Variants in RASSF3 observed in about 807,000 individuals in gnomAD.
RASSF3 encodes the protein ras association domain-containing protein 3.
Under a neutral mutation model 19.9 loss-of-function variants are expected in RASSF3, and 19 were observed. The observed-to-expected ratio is 0.96, with a 90% CI of 0.67 to 1.40. RASSF3 has a LOEUF of 1.40. Ranked by LOEUF, RASSF3 falls within the 40% of genes most tolerant of loss-of-function variation. The pLI is 0.00. For synonymous variants in RASSF3, 110 were observed against 104.2 expected, an observed-to-expected ratio of 1.06 and a Z score of -0.34; for missense variants, 306 against 289.8, an observed-to-expected ratio of 1.06 and a Z score of -0.41.
chr12:64,599,846 C>T (rs1038250479), intron 2 of RASSF3, among the ~76,000 whole-genome samples: 1 of 151,870 alleles, frequency 6.6e-6, no homozygotes, highest in Non-Finnish European at 1.5e-5. Context: ...TCCTGGCTAA[C>T]ACGGTGAAAC....
intron 1 of RASSF3, among the ~76,000 whole-genome samples, chr12:64,669,217 A>T (rs1180571511): frequency 6.6e-6 from 1 of 152,204 alleles, no homozygotes; most frequent in Non-Finnish European, 1.5e-5. Flanking sequence ...TGTTAGGCAC[A>T]TTAGAGGACT....
chr12:64,679,246 A>C (rs1450490605), intron 1 of RASSF3, among the ~76,000 whole-genome samples: 2 of 152,134 alleles, frequency 1.3e-5, no homozygotes, highest in African/African-American at 4.8e-5. Context: ...TTTTTTGTAG[A>C]GATGGGGTTT....
Position 64,599,777 on chromosome 12 carries a change from A to G in RASSF3, c.294+58072A>G, listed in dbSNP as rs150732564. Among the ~76,000 whole-genome samples the G allele has an allele frequency of 6.4e-3, 968 of 152,310 alleles. 16 individuals are homozygous for G. The highest frequency in any genetic ancestry group is 0.023 in the African/African-American group (939 of 41,580). On this transcript the variant is annotated intron_variant, in intron 2 of 5. Coordinates refer to the RASSF3 transcript ENST00000637125. ...GCCGGGCGCGGTGGCTCACGCCTGT[A>G]ATCCCAGCACTTTGGGAGGCTGAGG...
At chr12:64,604,052 G>T (rs12318332) in intron 2 of RASSF3, among the ~76,000 whole-genome samples, 6,437 of 150,958 alleles carry the variant, frequency 0.043, 471 homozygotes, top group African/African-American at 0.15. Context: ...TTCACCATGT[G>T]GGCCAGGATG....
At chr12:64,567,437 C>T (rs1018920954) in intron 2 of RASSF3, among the ~76,000 whole-genome samples, 3 of 152,176 alleles carry the variant, frequency 2.0e-5, no homozygotes, top group Admixed American at 1.3e-4. Context: ...TAACTGTGTT[C>T]CAGCCAATGA....
chr12:64,621,028 C>T (rs1870740928), intron 1 of RASSF3, among the ~76,000 whole-genome samples: 1 of 152,082 alleles, frequency 6.6e-6, no homozygotes, highest in African/African-American at 2.4e-5. Context: ...CTCCGCCTCC[C>T]AGGTTCAAGA....
intron 1 of RASSF3, among the ~76,000 whole-genome samples, chr12:64,670,370 G>GT (rs113065463): frequency 0.31 from 44,713 of 143,572 alleles, 8,254 homozygotes; most frequent in African/African-American, 0.5. Context: ...AGATTTTACT[G>GT]TTTTTTTTTT....
chr12:64,571,480 G>T (rs1869518704), intron 2 of RASSF3, among the ~76,000 whole-genome samples: 1 of 152,254 alleles, frequency 6.6e-6, no homozygotes, highest in African/African-American at 2.4e-5. Context: ...AGGAGAAAGT[G>T]GGTTCAGTGA....
intron 2 of RASSF3, among the ~76,000 whole-genome samples, chr12:64,550,177 A>T (rs372290887): frequency 3.0e-4 from 46 of 152,252 alleles, no homozygotes; most frequent in African/African-American, 1.1e-3. Flanking sequence ...AAAGGAGATA[A>T]ATCTTGCTTT....
At chr12:64,636,551 TA>T (rs1201735486) in intron 1 of RASSF3, among the ~76,000 whole-genome samples, 1 of 152,096 alleles carries the variant, frequency 6.6e-6, no homozygotes, top group African/African-American at 2.4e-5. Flanking sequence ...AAAGAAAATG[TA>T]AAGGACCTGG....
intron 2 of RASSF3, among the ~76,000 whole-genome samples, chr12:64,550,566 G>T (rs1044251710): frequency 1.7e-4 from 26 of 152,126 alleles, no homozygotes; most frequent in African/African-American, 5.5e-4. Context: ...TGACGTAGGA[G>T]ATTCGCTTGA....
chr12:64,660,939 G>A lies in RASSF3; in HGVS notation c.112-23848G>A, dbSNP rs553778686. ...CACTGGAGCACACGAGCTTTCCTCC[G>A]AATCTGTGAGACTTGAGCTCAGTGG... On this transcript the variant is annotated intron_variant, in intron 1 of 4. Coordinates refer to ENST00000542104, the MANE Select transcript of RASSF3 (RefSeq NM_178169.4). Among the ~76,000 whole-genome samples, 83 of 152,226 alleles carry A rather than the reference G, an allele frequency of 5.5e-4. 2 individuals carry two copies. The South Asian group carries it at 1.0e-2, about 18-fold the overall frequency.
At chr12:64,623,259 A>G (rs1870857692) in intron 1 of RASSF3, among the ~76,000 whole-genome samples, 1 of 152,250 alleles carries the variant, frequency 6.6e-6, no homozygotes, top group African/African-American at 2.4e-5. Flanking sequence ...GAAAAGTACC[A>G]GTACCAAAAT....
At chr12:64,583,225 T>G (rs1371835507) in intron 2 of RASSF3, among the ~76,000 whole-genome samples, 1 of 152,208 alleles carries the variant, frequency 6.6e-6, no homozygotes, top group Non-Finnish European at 1.5e-5. Flanking sequence ...GCAGCTGCTT[T>G]GTTTAGGCTG....
intron 1 of RASSF3, among the ~76,000 whole-genome samples, chr12:64,623,791 C>T (rs911351001): frequency 3.3e-5 from 5 of 151,550 alleles, no homozygotes; most frequent in Admixed American, 6.6e-5. Flanking sequence ...TGCCAGCACC[C>T]GCCACCATGC....
chr12:64,580,941 G>A (rs906513168), intron 2 of RASSF3, among the ~76,000 whole-genome samples: 25 of 151,632 alleles, frequency 1.6e-4, no homozygotes, highest in Non-Finnish European at 5.9e-5. Context: ...CGTACCAGGG[G>A]TTAAGACTTC....
chr12:64,557,102 G>T (rs1349751792), intron 2 of RASSF3, among the ~76,000 whole-genome samples: 1 of 152,032 alleles, frequency 6.6e-6, no homozygotes, highest in Non-Finnish European at 1.5e-5. Context: ...CTCCCAAAGT[G>T]CTAGGATTAC....
At chr12:64,662,567 TCAAA>T (rs1872406782) in intron 1 of RASSF3, among the ~76,000 whole-genome samples, 1 of 152,246 alleles carries the variant, frequency 6.6e-6, no homozygotes, top group East Asian at 1.9e-4. Flanking sequence ...AGACCCTGTC[TCAAA>T]CAAAGAAACA....
intron 1 of RASSF3, among the ~76,000 whole-genome samples, chr12:64,647,752 G>C (rs1001726673): frequency 6.6e-6 from 1 of 151,384 alleles, no homozygotes; most frequent in Admixed American, 6.6e-5. Flanking sequence ...GTTTTGCCCT[G>C]TTGCCCAGGA....
Sources: allele counts gnomAD v4.1 joint callset (sites outside exome capture counted in the v4.1 genomes callset), GRCh38; gene constraint gnomAD v4.1.1; transcripts MANE v1.5; gene names NCBI Gene and HGNC (gene_info 2026-07-23, HGNC 2026-07-21).